INO80C: variants seen among roughly 807,000 people sequenced by gnomAD.
INO80C encodes INO80 complex subunit C.
Under a neutral mutation model 17.7 loss-of-function variants are expected in INO80C, and 17 were observed. The ratio of observed to expected loss-of-function variants is 0.96; its 90% confidence interval spans 0.66 to 1.44. The LOEUF (loss-of-function observed/expected upper bound fraction) is 1.44. Among genes scored for constraint, INO80C ranks in the 40% most tolerant of loss-of-function variants. The pLI is 0.00. For synonymous variants in INO80C, 96 were observed against 95.8 expected (o/e 1.00, Z -0.01); for missense variants, 244 against 245.0 (o/e 1.00, Z 0.03).
intron 1 of INO80C, among the ~76,000 whole-genome samples, chr18:35,496,190 CAA>C (rs918850527): frequency 6.6e-6 from 1 of 152,070 alleles, no homozygotes; most frequent in Non-Finnish European, 1.5e-5. Flanking sequence ...TCTATCTACA[CAA>C]AGACTTGTAC....
In INO80C at chr18:35,479,294, G is replaced by GCTTAGGAT; in HGVS notation, c.379+5_379+6insATCCTAAG. 2 of 1,571,710 alleles carry GCTTAGGAT rather than the reference G, an allele frequency of 1.3e-6. No homozygotes were observed. The highest frequency in any genetic ancestry group is 1.8e-6 in the Non-Finnish European group (2 of 1,141,392). On this transcript the variant is annotated splice_donor_region_variant and intron_variant, in intron 3 of 4. Coordinates refer to ENST00000334598, the MANE Select transcript of INO80C (RefSeq NM_194281.4). ...ACAAACACATGGAAGGCTCTAGACA[G>GCTTAGGAT]CTCACAGTTAGGATCGTTCAGTTGC... is the stretch of plus-strand genomic sequence containing the variant.
chr18:35,491,188 C>A (rs1259589007), intron 1 of INO80C, among the ~76,000 whole-genome samples: 2 of 152,164 alleles, frequency 1.3e-5, no homozygotes, highest in African/African-American at 4.8e-5. Context: ...CGTTTAGTTC[C>A]AAGGCCCCAG....
At chr18:35,478,898 A>T (rs1325800532) in intron 3 of INO80C, 2 of 181,660 alleles carry the variant, frequency 1.1e-5, no homozygotes, top group African/African-American at 4.8e-5. Flanking sequence ...TGAAGTATTT[A>T]CTAAACACTG....
intron 4 of INO80C, among the ~76,000 whole-genome samples, chr18:35,473,135 C>T (rs1279797795): frequency 6.6e-6 from 1 of 152,198 alleles, no homozygotes; most frequent in African/African-American, 2.4e-5. Flanking sequence ...TGAGGAACCA[C>T]CCTCCAAGTC....
intron 4 of INO80C, among the ~76,000 whole-genome samples, chr18:35,468,970 C>G (rs2045637124): frequency 6.6e-6 from 1 of 152,140 alleles, no homozygotes; most frequent in African/African-American, 2.4e-5. Flanking sequence ...ATGACCACAT[C>G]AGACTCTGGG....
chr18:35,475,675 A>G (rs1275678451), intron 4 of INO80C, among the ~76,000 whole-genome samples: 1 of 151,164 alleles, frequency 6.6e-6, no homozygotes, highest in African/African-American at 2.4e-5. Flanking sequence ...CCTGTCTTAA[A>G]AAAAAAAAAA....
Position 35,478,282 on chromosome 18 carries a change from A to G in INO80C, c.447T>C (p.Leu149=). 6 of 1,596,340 alleles carry G rather than the reference A, an allele frequency of 3.8e-6. No individual in the cohort carries two copies. Among genetic ancestry groups the G allele is most frequent in the Non-Finnish European group, 5.1e-6 (6 of 1,165,256 alleles). ...TTATAAGAGATATAATCATACTCAC[A>G]AGCAGACCTGAAACATCAGAATACT... ...AKKYSDVSGL[L]ANYTDPQSKL... The change falls in exon 4 of 5, where the codon CTT becomes CTC. Residue 149 remains leucine (L), a splice_region_variant and synonymous_variant. Coordinates refer to ENST00000334598, the MANE Select transcript of INO80C (RefSeq NM_194281.4).
intron 1 of INO80C, among the ~76,000 whole-genome samples, chr18:35,496,179 A>G (rs1248312995): frequency 6.6e-6 from 1 of 152,154 alleles, no homozygotes; most frequent in Non-Finnish European, 1.5e-5. Flanking sequence ...AAATGAAAGC[A>G]TCTATCTACA....
intron 4 of INO80C, among the ~76,000 whole-genome samples, chr18:35,477,767 T>C (rs1323187005): frequency 6.6e-6 from 1 of 151,708 alleles, no homozygotes; most frequent in African/African-American, 2.4e-5. Flanking sequence ...TGGTGGGGAG[T>C]GGGGAGGAAG....
rs1036825789 is a variant in INO80C at position 35,483,820 on chromosome 18, T to C, written c.157-3257A>G. The stretch of plus-strand genomic sequence containing the variant: ...AGGGGCAGAGGGGAACATAGTGGAA[T>C]GGAGAGGGAGATGGGAAGGAAATAG... On this transcript the variant is annotated intron_variant, in intron 1 of 4. Coordinates refer to ENST00000334598, the MANE Select transcript of INO80C (RefSeq NM_194281.4). Among the ~76,000 whole-genome samples the C allele has an allele frequency of 2.6e-5, 4 of 152,140 alleles. No individual in the cohort carries two copies. The South Asian group carries it at 6.2e-4, about 24-fold the overall frequency.
At chr18:35,476,126 G>A (rs1398515772) in intron 4 of INO80C, among the ~76,000 whole-genome samples, 1 of 152,212 alleles carries the variant, frequency 6.6e-6, no homozygotes, top group Non-Finnish European at 1.5e-5. Context: ...TAAAAGAGGT[G>A]TAAATAATAA....
chr18:35,481,252 A>ATT (rs1468805455), intron 1 of INO80C, among the ~76,000 whole-genome samples: 5 of 152,230 alleles, frequency 3.3e-5, no homozygotes, highest in African/African-American at 1.2e-4. Context: ...TAAAGCAAAA[A>ATT]ACCTTTAAGC....
At chr18:35,477,210 C>T (rs2045747563) in intron 4 of INO80C, among the ~76,000 whole-genome samples, 1 of 152,082 alleles carries the variant, frequency 6.6e-6, no homozygotes, top group Admixed American at 6.5e-5. Flanking sequence ...TGCCACTGCA[C>T]TCCAGCCTGG....
At chr18:35,475,032 G>A (rs1430729149) in intron 4 of INO80C, among the ~76,000 whole-genome samples, 1 of 152,132 alleles carries the variant, frequency 6.6e-6, no homozygotes, top group Non-Finnish European at 1.5e-5. Context: ...TAATAGCCAA[G>A]AATTTTCCAA....
At chr18:35,486,637 A>T (rs899246026) in intron 1 of INO80C, among the ~76,000 whole-genome samples, 2 of 152,126 alleles carry the variant, frequency 1.3e-5, no homozygotes, top group African/African-American at 4.8e-5. Context: ...TGATTTTAAA[A>T]AATGAATAAA....
intron 4 of INO80C, among the ~76,000 whole-genome samples, chr18:35,477,013 G>A (rs1272008420): frequency 1.3e-5 from 2 of 152,244 alleles, no homozygotes; most frequent in African/African-American, 2.4e-5. Context: ...GGAGGCCAAG[G>A]CAGGAGGATC....
chr18:35,492,472 A>G (rs574747493), intron 1 of INO80C, among the ~76,000 whole-genome samples: 1 of 152,378 alleles, frequency 6.6e-6, no homozygotes, highest in South Asian at 2.1e-4. Context: ...CTGTATCTAC[A>G]TGTAGAAAAC....
intron 1 of INO80C, among the ~76,000 whole-genome samples, chr18:35,492,930 C>T (rs355328): frequency 6.6e-5 from 10 of 152,174 alleles, no homozygotes; most frequent in Non-Finnish European, 1.3e-4. Context: ...TTGCCAAAAG[C>T]ATTTCTCTGT....
At chr18:35,488,167 T>A (rs1298009406) in intron 1 of INO80C, among the ~76,000 whole-genome samples, 2 of 152,178 alleles carry the variant, frequency 1.3e-5, no homozygotes, top group Non-Finnish European at 2.9e-5. Flanking sequence ...AAGCTGTTGG[T>A]GGATCTACCA....
Sources: allele counts gnomAD v4.1 joint callset (sites outside exome capture counted in the v4.1 genomes callset), GRCh38; gene constraint gnomAD v4.1.1; transcripts MANE v1.5; gene names NCBI Gene and HGNC (gene_info 2026-07-23, HGNC 2026-07-21).